The following TBC1D1 variants were observed in gnomAD, a reference collection of about 807,000 sequenced individuals.
The protein encoded by TBC1D1 is TBC1 (tre-2/USP6, BUB2, cdc16) domain family, member 1.
A neutral mutation model predicts 125.6 loss-of-function variants in TBC1D1; 89 were observed. The ratio of observed to expected loss-of-function variants is 0.71; its 90% CI spans 0.60 to 0.85. The LOEUF (loss-of-function observed/expected upper bound fraction) is 0.85, where lower values mean the gene tolerates loss of function less well. Ranked by LOEUF, TBC1D1 falls within the 40% of genes least tolerant of loss-of-function variation. TBC1D1 has a pLI of 0.00. For missense variants in TBC1D1, 1,377 were observed against 1,469.2 expected (o/e 0.94, Z 1.03); for synonymous variants, 565 against 564.1 (o/e 1.00, Z -0.02).
chr4:37,947,791 C>G (rs1439256557), intron 2 of TBC1D1, among the ~76,000 whole-genome samples: 1 of 151,848 alleles, frequency 6.6e-6, no homozygotes, highest in East Asian at 1.9e-4. Context: ...CAAAGTGGCA[C>G]AAGAATTTTG....
At chr4:37,948,000 G>A (rs1377198040) in intron 2 of TBC1D1, among the ~76,000 whole-genome samples, 4 of 152,080 alleles carry the variant, frequency 2.6e-5, no homozygotes, top group African/African-American at 7.2e-5. Flanking sequence ...TAGGTACTAC[G>A]ATTATTCCTA....
At chr4:37,954,762 C>T (rs1262518931) in intron 2 of TBC1D1, among the ~76,000 whole-genome samples, 2 of 147,110 alleles carry the variant, frequency 1.4e-5, no homozygotes, top group Non-Finnish European at 3.0e-5. Flanking sequence ...GATGAAGAGG[C>T]GGGGTGATTC....
chr4:38,124,701 C>T (rs1175094561), intron 17 of TBC1D1, among the ~76,000 whole-genome samples: 1 of 152,112 alleles, frequency 6.6e-6, no homozygotes, highest in South Asian at 2.1e-4. Context: ...AACCTTTTTC[C>T]CTTTCCCAGT....
intron 2 of TBC1D1, chr4:37,961,112 A>G: frequency 6.8e-7 from 1 of 1,473,336 alleles, no homozygotes; most frequent in Non-Finnish European, 9.4e-7. Flanking sequence ...ACAACATAAT[A>G]AATACATAAA....
At chr4:38,084,254 A>T (rs1465732575) in intron 12 of TBC1D1, among the ~76,000 whole-genome samples, 1 of 152,210 alleles carries the variant, frequency 6.6e-6, no homozygotes, top group Non-Finnish European at 1.5e-5. Context: ...TCTTTAAAAA[A>T]TTCTGTTTTC....
chr4:37,920,776 A>G (rs779892104), intron 2 of TBC1D1, among the ~76,000 whole-genome samples: 3 of 152,152 alleles, frequency 2.0e-5, no homozygotes, highest in Middle Eastern at 3.2e-3. Flanking sequence ...GAGGAGACCT[A>G]TGGGACCGCA....
At chr4:38,062,384 C>T (rs2152498416) in intron 12 of TBC1D1, among the ~76,000 whole-genome samples, 1 of 149,796 alleles carries the variant, frequency 6.7e-6, no homozygotes, top group East Asian at 2.0e-4. Flanking sequence ...AGATGTTTTT[C>T]TTTTTCTACA....
At chr4:37,988,376 G>T (rs1735880463) in intron 2 of TBC1D1, among the ~76,000 whole-genome samples, 4 of 152,168 alleles carry the variant, frequency 2.6e-5, no homozygotes, top group Admixed American at 2.6e-4. Flanking sequence ...GAAATCATTG[G>T]TCTAGGTCAG....
chr4:37,995,886 G>T lies in TBC1D1; in HGVS notation c.418-18623G>T. ...TTTCTCTTTGAGAATCCAGACTTCT[G>T]GCTTAACCATGGCAAGCAGCGACAG... On this transcript the variant is annotated intron_variant, in intron 2 of 19. Transcript: ENST00000261439. The surrounding 1 kb of genome is among the most constrained non-coding windows in gnomAD (Gnocchi z 4.3). The T allele has an allele frequency of 1.7e-6, 1 of 580,860 alleles. No individual in the cohort carries two copies. The allele number at this position is 580,860 out of a possible 1,614,324, so 36.0% of individuals were successfully genotyped here. A position where few individuals can be genotyped will look rare whatever the true frequency, so the allele number is the denominator to read the frequency against.
chr4:38,131,680 C>T (rs765756346), intron 18 of TBC1D1, among the ~76,000 whole-genome samples: 7 of 152,118 alleles, frequency 4.6e-5, no homozygotes, highest in Non-Finnish European at 7.4e-5. Context: ...CCAGTGGAGC[C>T]GCAATTTTAA....
chr4:38,068,891 C>T (rs1460121513), intron 12 of TBC1D1, among the ~76,000 whole-genome samples: 2 of 152,212 alleles, frequency 1.3e-5, no homozygotes, highest in Non-Finnish European at 2.9e-5. Context: ...CCAGCTCCGT[C>T]ACTCAGAACC....
intron 7 of TBC1D1, among the ~76,000 whole-genome samples, chr4:38,031,676 G>A (rs182081382): frequency 2.0e-5 from 3 of 152,124 alleles, no homozygotes; most frequent in African/African-American, 7.2e-5. Flanking sequence ...GAGCACAGTG[G>A]TTATTCTAGG....
chr4:38,021,979 G>A (rs895634662), intron 6 of TBC1D1, among the ~76,000 whole-genome samples: 2 of 152,186 alleles, frequency 1.3e-5, no homozygotes, highest in African/African-American at 4.8e-5. Context: ...GGAGGAGTTA[G>A]GGAAACAGGT....
intron 7 of TBC1D1, among the ~76,000 whole-genome samples, chr4:38,032,691 T>C (rs1191877554): frequency 6.6e-6 from 1 of 151,828 alleles, no homozygotes; most frequent in Non-Finnish European, 1.5e-5. Flanking sequence ...AAAAATTAGC[T>C]GGGTGTGATG....
At chr4:37,936,603 C>T (rs1724452903) in intron 2 of TBC1D1, among the ~76,000 whole-genome samples, 1 of 152,084 alleles carries the variant, frequency 6.6e-6, no homozygotes, top group African/African-American at 2.4e-5. Flanking sequence ...GCCAGAAAGA[C>T]CCAGAAAGGT....
intron 9 of TBC1D1, 63 bp downstream of exon 9, chr4:38,044,553 T>TTAA: frequency 6.7e-7 from 1 of 1,494,552 alleles, no homozygotes; most frequent in Non-Finnish European, 9.0e-7. Context: ...TAAGATTGAG[T>TTAA]TCTATGCTTT....
At chr4:38,128,779 A>G (rs1372674675) in intron 18 of TBC1D1, among the ~76,000 whole-genome samples, 1 of 152,202 alleles carries the variant, frequency 6.6e-6, no homozygotes, top group Non-Finnish European at 1.5e-5. Context: ...CAGTGTACTT[A>G]CCAAAGGACC....
At position 38,133,183 on chromosome 4, in the gene TBC1D1, C is replaced by A; in HGVS notation, c.3232C>A (p.Gln1078Lys). The A allele has an allele frequency of 6.2e-7, 1 of 1,614,148 alleles. No individual in the cohort carries two copies. Among genetic ancestry groups the A allele is most frequent in the Non-Finnish European group, 8.5e-7 (1 of 1,180,010 alleles). The change falls in exon 19 of 20, where the codon CAA becomes AAA. Residue 1078 changes from glutamine to lysine, a missense_variant. Physicochemically the swap from Gln to Lys is moderately conservative, Grantham distance 53. Transcript: ENST00000261439. ...CGATTCCTCTCCTCTCAGTGACAAC[C>A]AAAGAATGGATAAATTAGAGAAAAC...
intron 18 of TBC1D1, among the ~76,000 whole-genome samples, chr4:38,129,826 T>C (rs1765298553): frequency 6.6e-6 from 1 of 152,212 alleles, no homozygotes; most frequent in Non-Finnish European, 1.5e-5. Context: ...TTTACTCTAC[T>C]AGATAATAGA....
Sources: allele counts gnomAD v4.1 joint callset (sites outside exome capture counted in the v4.1 genomes callset), GRCh38; gene constraint gnomAD v4.1.1; non-coding constraint Gnocchi (gnomAD v3.1); transcripts MANE v1.5; gene names NCBI Gene and HGNC (gene_info 2026-07-23, HGNC 2026-07-21).